Variants in SLC36A1 observed in about 807,000 individuals in gnomAD.
The protein encoded by SLC36A1 is proton-coupled amino acid transporter 1.
Under a neutral mutation model 47.5 loss-of-function variants are expected in SLC36A1, and 30 were observed. The ratio of observed to expected loss-of-function variants is 0.63; its 90% CI spans 0.47 to 0.86. The LOEUF (loss-of-function observed/expected upper bound fraction) is 0.86. SLC36A1 is among the 40% of genes least tolerant of loss of function. The probability of loss-of-function intolerance (pLI) is 0.00; values close to 1 mark genes in which losing one functional copy is unlikely to be tolerated. For synonymous variants in SLC36A1, 255 were observed against 249.7 expected (o/e 1.02, Z -0.20); for missense variants, 517 against 606.0 (o/e 0.85, Z 1.54).
chr5:151,493,199 G>GT, downstream of SLC36A1, among the ~76,000 whole-genome samples: 1 of 152,292 alleles, frequency 6.6e-6, no homozygotes, highest in East Asian at 1.9e-4. Context: ...GGCTTAAAAT[G>GT]TTTATTCTCT....
At chr5:151,527,060 G>A in the SLC36A1 span, among the ~76,000 whole-genome samples, 1 of 152,236 alleles carries the variant, frequency 6.6e-6, no homozygotes, top group African/African-American at 2.4e-5. Flanking sequence ...CTAACACAGT[G>A]CCTGATTCCC....
chr5:151,387,956 A>G, the SLC36A1 span, among the ~76,000 whole-genome samples: 160 of 152,350 alleles, frequency 1.1e-3, 1 homozygote, highest in Middle Eastern at 3.4e-3. Flanking sequence ...ATGACATCAC[A>G]TAACAGGCAA....
intron 8 of SLC36A1, among the ~76,000 whole-genome samples, chr5:151,474,922 A>G (rs1757834413): frequency 6.6e-6 from 1 of 152,220 alleles, no homozygotes; most frequent in Non-Finnish European, 1.5e-5. Flanking sequence ...AAGAAAACCT[A>G]GAAGCTGTAC....
chr5:151,476,535 C>G, intron 8 of SLC36A1, 55 bp from the exon 9 acceptor site: 1 of 1,314,350 alleles, frequency 7.6e-7, no homozygotes, highest in South Asian at 2.0e-5. Flanking sequence ...TTTTTCTTGG[C>G]CATTAACTTT....
the SLC36A1 span, among the ~76,000 whole-genome samples, chr5:151,400,514 A>G: frequency 1.3e-5 from 2 of 152,140 alleles, no homozygotes; most frequent in East Asian, 1.9e-4. Flanking sequence ...TTCCTCTGGT[A>G]TATACCCAGT....
chr5:151,507,512 T>C, the SLC36A1 span: 3 of 1,614,128 alleles, frequency 1.9e-6, no homozygotes, highest in Non-Finnish European at 2.5e-6. Context: ...CCACGGCCAC[T>C]GTGATGATCA....
At chr5:151,390,540 G>A in the SLC36A1 span, among the ~76,000 whole-genome samples, 8 of 152,244 alleles carry the variant, frequency 5.3e-5, no homozygotes, top group South Asian at 4.1e-4. Flanking sequence ...ATGGTTTTAC[G>A]TCTAACATTT....
chr5:151,495,060 T>C (rs1365433063), downstream of SLC36A1, among the ~76,000 whole-genome samples: 2 of 152,270 alleles, frequency 1.3e-5, no homozygotes, highest in African/African-American at 4.8e-5. Flanking sequence ...TGCTAACTTT[T>C]GGCAAATTAT....
the SLC36A1 span, chr5:151,507,136 G>A: frequency 2.1e-4 from 316 of 1,538,730 alleles, no homozygotes; most frequent in East Asian, 3.7e-3. Context: ...GAGGCTAAGC[G>A]TCTCTGGCTA....
At chr5:151,510,091 C>T in the SLC36A1 span, 8,753 of 1,614,162 alleles carry the variant, frequency 5.4e-3, 45 homozygotes, top group Non-Finnish European at 6.4e-3. Flanking sequence ...GTTCCACCTT[C>T]CAGGCAGGGT....
At chr5:151,483,520 G>GGGC (rs1554117425) in intron 10 of SLC36A1, among the ~76,000 whole-genome samples, 8 of 144,738 alleles carry the variant, frequency 5.5e-5, no homozygotes, top group Non-Finnish European at 9.0e-5. Flanking sequence ...GTGTGTGTGG[G>GGGC]GGGGGTGATT....
the SLC36A1 span, among the ~76,000 whole-genome samples, chr5:151,534,970 A>ATATATATATATATATATATATATAT: frequency 9.4e-5 from 10 of 106,408 alleles, no homozygotes; most frequent in Non-Finnish European, 1.7e-4. Flanking sequence ...CTTCTAGGAA[A>ATATATATATATATATATATATATAT]ATATATATAT....
the SLC36A1 span, among the ~76,000 whole-genome samples, chr5:151,551,783 C>T: frequency 6.6e-6 from 1 of 152,142 alleles, no homozygotes; most frequent in Non-Finnish European, 1.5e-5. Context: ...TTTATTCTGT[C>T]AAGTTGTTGT....
chr5:151,350,634 T>TA, the SLC36A1 span, among the ~76,000 whole-genome samples: 27,541 of 151,766 alleles, frequency 0.18, 2,878 homozygotes, highest in Non-Finnish European at 0.24. Flanking sequence ...ATATCACCAT[T>TA]AAAAAAAAGA....
At chr5:151,404,513 G>A in the SLC36A1 span, among the ~76,000 whole-genome samples, 27 of 152,124 alleles carry the variant, frequency 1.8e-4, no homozygotes, top group Non-Finnish European at 3.2e-4. Flanking sequence ...GTCTGTGGGC[G>A]ATGTAGTTAA....
chr5:151,506,182 C>A, the SLC36A1 span: 4 of 1,407,098 alleles, frequency 2.8e-6, no homozygotes, highest in Admixed American at 2.6e-5. Context: ...TATAACCTAG[C>A]GAGTGGTGGA....
chr5:151,528,923 G>A, the SLC36A1 span, among the ~76,000 whole-genome samples: 1 of 151,888 alleles, frequency 6.6e-6, no homozygotes, highest in Non-Finnish European at 1.5e-5. Context: ...AACAAACCTC[G>A]CCTATCCCAT....
chr5:151,518,372 A>AT, the SLC36A1 span, among the ~76,000 whole-genome samples: 10,089 of 148,666 alleles, frequency 0.068, 435 homozygotes, highest in East Asian at 0.15. Context: ...AATAATAATA[A>AT]TAATTTTTAA....
At chr5:151,375,471 T>C in the SLC36A1 span, among the ~76,000 whole-genome samples, 1 of 152,218 alleles carries the variant, frequency 6.6e-6, no homozygotes. Flanking sequence ...AGCCTTGCGG[T>C]ATAATTTGAG....
Sources: allele counts gnomAD v4.1 joint callset (sites outside exome capture counted in the v4.1 genomes callset), GRCh38; gene constraint gnomAD v4.1.1; transcripts MANE v1.5; gene names NCBI Gene and HGNC (gene_info 2026-07-23, HGNC 2026-07-21).